SMAD2: variants seen among roughly 807,000 people sequenced by gnomAD.
SMAD2 encodes the protein SMAD family member 2, also known as MAD homolog 2.
A neutral mutation model predicts 64.4 loss-of-function variants in SMAD2; 8 were observed. The observed-to-expected ratio is 0.12, with a 90% CI of 0.07 to 0.22. The LOEUF (loss-of-function observed/expected upper bound fraction) is 0.22, where lower values mean the gene tolerates loss of function less well. Ranked by LOEUF, SMAD2 falls within the 10% of genes least tolerant of loss-of-function variation. The pLI is 1.00. For synonymous variants in SMAD2, 203 were observed against 195.8 expected, an observed-to-expected ratio of 1.04 and a Z score of -0.31; for missense variants, 289 against 561.2, an observed-to-expected ratio of 0.51 and a Z score of 4.90.
rs191998339 is a variant in SMAD2 at position 47,865,048 on chromosome 18, A to C, written c.730+11T>G. ...TAATAACTGAGGAATTTTCAAAGAC[A>C]TTTTTTTTACCTGTGTCCATACTTT... On this transcript the variant is annotated intron_variant, in intron 6 of 10. Transcript: ENST00000262160. The C allele has an allele frequency of 6.6e-7, 1 of 1,520,302 alleles. No individual in the cohort carries two copies. The highest frequency in any genetic ancestry group is 9.1e-7 in the Non-Finnish European group (1 of 1,096,348). 94.2% of individuals were successfully genotyped at this position (1,520,302 alleles called of 1,614,324 possible).
At position 47,832,638 on chromosome 18, in the gene SMAD2, T is replaced by C. The variant is rs1223875085; in HGVS notation, c.*9189A>G. The C allele has an allele frequency of 6.6e-6, 1 of 152,176 alleles. No individual in the cohort carries two copies. Among genetic ancestry groups the C allele is most frequent in the African/African-American group, 2.4e-5 (1 of 41,438 alleles). The allele number at this position is 152,176 out of a possible 1,614,324, so 9.4% of individuals were successfully genotyped here. A position where few individuals can be genotyped will look rare whatever the true frequency, so the allele number is the denominator to read the frequency against. ...CCTAAATATTTCTCATTTTTAAAAT[T>C]ATTCATACTGATTATATGAGATTAT... On this transcript the variant is annotated 3_prime_UTR_variant, in exon 11 of 11. Coordinates refer to ENST00000262160, the MANE Select transcript of SMAD2 (RefSeq NM_005901.6).
At chr18:47,925,777 A>C (rs1430819251) in intron 1 of SMAD2, among the ~76,000 whole-genome samples, 1 of 152,208 alleles carries the variant, frequency 6.6e-6, no homozygotes, top group Non-Finnish European at 1.5e-5. Flanking sequence ...GGTCACCAAT[A>C]ATTATCTGAT....
chr18:47,816,431 A>G lies in SMAD2; in HGVS notation c.*25396T>C, dbSNP rs1017687533. The G allele has an allele frequency of 6.6e-6, 1 of 152,256 alleles. No homozygotes were observed. The highest frequency in any genetic ancestry group is 2.4e-5 in the African/African-American group (1 of 41,464). 9.4% of individuals were successfully genotyped at this position (152,256 alleles called of 1,614,324 possible). A position where few individuals can be genotyped will look rare whatever the true frequency, so the allele number is the denominator to read the frequency against. On this transcript the variant is annotated 3_prime_UTR_variant, in exon 11 of 11. Transcript: ENST00000262160. ...TAACTGCCTGAACAACTTATTAAGAACATTAACAAGTAATAACACATATTT... is the reference window on the plus strand; with the variant it reads ...TAACTGCCTGAACAACTTATTAAGAGCATTAACAAGTAATAACACATATTT...
intron 2 of SMAD2, among the ~76,000 whole-genome samples, chr18:47,885,663 C>T (rs2032863379): frequency 2.0e-5 from 3 of 152,100 alleles, no homozygotes; most frequent in South Asian, 2.1e-4. Context: ...AATAACAATA[C>T]AACAATGAAG....
In SMAD2 at chr18:47,832,291, G is replaced by A; in HGVS notation, c.*9536C>T. 1 of 152,198 alleles carries A rather than the reference G, an allele frequency of 6.6e-6. No individual in the cohort carries two copies. The highest frequency in any genetic ancestry group is 1.9e-4 in the East Asian group (1 of 5,196). 9.4% of individuals were successfully genotyped at this position (152,198 alleles called of 1,614,324 possible). A position where few individuals can be genotyped will look rare whatever the true frequency, so the allele number is the denominator to read the frequency against. ...GTGACAGGCAAAGCCAGGCTGAGGT[G>A]ACAATGTAGAAGGATCTCGAGTCAG... On this transcript the variant is annotated 3_prime_UTR_variant, in exon 11 of 11. Coordinates refer to ENST00000262160, the MANE Select transcript of SMAD2 (RefSeq NM_005901.6).
intron 1 of SMAD2, among the ~76,000 whole-genome samples, chr18:47,926,710 T>C (rs943620828): frequency 3.3e-5 from 5 of 152,262 alleles, no homozygotes; most frequent in Non-Finnish European, 7.3e-5. Flanking sequence ...AGGCCTTTGT[T>C]GTTCATTGTC....
intron 7 of SMAD2, 131 bp downstream of exon 7, chr18:47,851,143 A>G: frequency 1.5e-6 from 1 of 685,250 alleles, no homozygotes; most frequent in South Asian, 1.7e-5. Context: ...CTTTAACCAC[A>G]TACATAATTA....
At chr18:47,905,469 A>C (rs531259117) in intron 1 of SMAD2, among the ~76,000 whole-genome samples, 4 of 152,188 alleles carry the variant, frequency 2.6e-5, no homozygotes, top group South Asian at 4.1e-4. Flanking sequence ...AAAAAAAAAA[A>C]CTAGAATAAC....
rs552728669 is a variant in SMAD2 at position 47,836,911 on chromosome 18, G to GAT, written c.*4914_*4915dup. 3.0e-4 allele frequency: 64 copies of GAT among 210,496 alleles called. No individual in the cohort carries two copies. The highest frequency in any genetic ancestry group is 5.7e-4 in the Non-Finnish European group (59 of 103,616). The allele number at this position is 210,496 out of a possible 1,614,324, so 13.0% of individuals were successfully genotyped here. ...ATGGTAATAAAAAATTGAAAAGGAAGATATAAAAAGAACTCAATAGCAGGA... is the reference window on the plus strand; with the variant it reads ...ATGGTAATAAAAAATTGAAAAGGAAGATATATAAAAAGAACTCAATAGCAGGA... On this transcript the variant is annotated 3_prime_UTR_variant, in exon 11 of 11. Transcript: ENST00000262160.
chr18:47,863,167 C>T (rs575519898), intron 6 of SMAD2, among the ~76,000 whole-genome samples: 1 of 152,194 alleles, frequency 6.6e-6, no homozygotes, highest in South Asian at 2.1e-4. Context: ...AGAGAGGTGG[C>T]CAACTTTGTT....
At chr18:47,888,399 C>T (rs552193198) in intron 2 of SMAD2, among the ~76,000 whole-genome samples, 2 of 152,264 alleles carry the variant, frequency 1.3e-5, no homozygotes, top group South Asian at 2.1e-4. Context: ...AACAGTAGAA[C>T]TTTTGACAGT....
At chr18:47,881,241 T>A (rs528437823) in intron 2 of SMAD2, among the ~76,000 whole-genome samples, 1 of 152,292 alleles carries the variant, frequency 6.6e-6, no homozygotes, top group African/African-American at 2.4e-5. Flanking sequence ...CCTGGCCATA[T>A]GAGAATCACA....
intron 2 of SMAD2, among the ~76,000 whole-genome samples, chr18:47,884,265 T>C (rs1457414100): frequency 6.6e-6 from 1 of 152,204 alleles, no homozygotes; most frequent in African/African-American, 2.4e-5. Flanking sequence ...TTCACACTTA[T>C]TAAGCACCAA....
At chr18:47,919,199 T>C (rs2034456389) in intron 1 of SMAD2, among the ~76,000 whole-genome samples, 1 of 151,972 alleles carries the variant, frequency 6.6e-6, no homozygotes, top group African/African-American at 2.4e-5. Context: ...GCTTCATAAT[T>C]TTTCAAAAAA....
Position 47,820,896 on chromosome 18 carries a change from TACACACACACACACACACACACACACAC to T in SMAD2, c.*20903_*20930del, listed in dbSNP as rs57448043. The T allele has an allele frequency of 2.3e-3, 347 of 148,332 alleles. 1 individual carries two copies. The highest frequency in any genetic ancestry group is 8.2e-3 in the African/African-American group (326 of 39,536). 9.2% of individuals were successfully genotyped at this position (148,332 alleles called of 1,614,324 possible). A position where few individuals can be genotyped will look rare whatever the true frequency, so the allele number is the denominator to read the frequency against. ...TAGTGTAAATGCTATACATGCACTA[TACACACACACACACACACACACACACAC>T]ACACACACACACACACAAAATTTGG... On this transcript the variant is annotated 3_prime_UTR_variant, in exon 11 of 11. Transcript: ENST00000262160.
chr18:47,896,940 A>G, intron 1 of SMAD2, 131 bp from the exon 2 acceptor site: 1 of 758,092 alleles, frequency 1.3e-6, no homozygotes, highest in South Asian at 1.6e-5. Flanking sequence ...AGACTTCTCC[A>G]CCCATGAAAA....
chr18:47,821,447 G>A lies in SMAD2; in HGVS notation c.*20380C>T, dbSNP rs1312366435. 4 of 152,096 alleles carry A rather than the reference G, an allele frequency of 2.6e-5. No homozygotes were observed. Among genetic ancestry groups the A allele is most frequent in the Non-Finnish European group, 5.9e-5 (4 of 68,000 alleles). The allele number at this position is 152,096 out of a possible 1,614,324, so 9.4% of individuals were successfully genotyped here. On this transcript the variant is annotated 3_prime_UTR_variant, in exon 11 of 11. Transcript: ENST00000262160. ...AGTATAACTTGATTCTGAATTCTTG[G>A]CTCTTCTCATGTTTGAATTGTTCCA...
At chr18:47,908,366 T>C (rs1337425737) in intron 1 of SMAD2, among the ~76,000 whole-genome samples, 1 of 152,184 alleles carries the variant, frequency 6.6e-6, no homozygotes, top group African/African-American at 2.4e-5. Flanking sequence ...TTAAACTGTA[T>C]AGGTCCATTT....
At position 47,821,497 on chromosome 18, in the gene SMAD2, T is replaced by C. The variant is rs1912574228; in HGVS notation, c.*20330A>G. ...ACGCAAGCAGGAAATTTCTCGTAAT[T>C]TTTCCAAGAGCCATGTATTCTGTTC... is the stretch of plus-strand genomic sequence containing the variant. On this transcript the variant is annotated 3_prime_UTR_variant, in exon 11 of 11. Transcript: ENST00000262160. 1.3e-5 allele frequency: 2 copies of C among 152,212 alleles called. No homozygotes were observed. Among genetic ancestry groups the C allele is most frequent in the East Asian group, 3.8e-4 (2 of 5,200 alleles). The allele number at this position is 152,212 out of a possible 1,614,324, so 9.4% of individuals were successfully genotyped here.
Sources: allele counts gnomAD v4.1 joint callset (sites outside exome capture counted in the v4.1 genomes callset), GRCh38; gene constraint gnomAD v4.1.1; transcripts MANE v1.5; gene names NCBI Gene and HGNC (gene_info 2026-07-23, HGNC 2026-07-21).